Variants in OR6N1 observed in about 807,000 individuals in gnomAD.
OR6N1 encodes the protein olfactory receptor 6N1.
For synonymous variants in OR6N1, 170 were observed against 150.7 expected (o/e 1.13, Z -0.94); for missense variants, 394 against 371.7 (o/e 1.06, Z -0.49).
At chr1:158,781,947 A>C in the OR6N1 span, among the ~76,000 whole-genome samples, 1 of 152,200 alleles carries the variant, frequency 6.6e-6, no homozygotes, top group Non-Finnish European at 1.5e-5. Flanking sequence ...GAGTTTAATA[A>C]AGTGTCCAAC....
chr1:158,822,038 A>G, the OR6N1 span, among the ~76,000 whole-genome samples: 9 of 152,318 alleles, frequency 5.9e-5, no homozygotes, highest in East Asian at 1.7e-3. Context: ...GATGTTGAGC[A>G]TCTTTTCATA....
the OR6N1 span, among the ~76,000 whole-genome samples, chr1:158,801,055 G>A: frequency 3.9e-5 from 6 of 151,934 alleles, no homozygotes; most frequent in Admixed American, 1.3e-4. Flanking sequence ...ACCAATCCAT[G>A]CACTCCTTCC....
chr1:158,827,896 A>G, the OR6N1 span, among the ~76,000 whole-genome samples: 1 of 152,306 alleles, frequency 6.6e-6, no homozygotes, highest in South Asian at 2.1e-4. Flanking sequence ...ACAATTCCAC[A>G]TGGCTGGGGT....
At chr1:158,829,537 T>C in the OR6N1 span, among the ~76,000 whole-genome samples, 1 of 152,218 alleles carries the variant, frequency 6.6e-6, no homozygotes, top group Non-Finnish European at 1.5e-5. Flanking sequence ...CTGGATCTTA[T>C]TGTTTCTGTC....
chr1:158,793,796 T>C, the OR6N1 span, among the ~76,000 whole-genome samples: 1 of 152,168 alleles, frequency 6.6e-6, no homozygotes, highest in East Asian at 1.9e-4. Flanking sequence ...CAGCTGCAGC[T>C]AAAGCAGGTG....
chr1:158,792,046 G>A, the OR6N1 span, among the ~76,000 whole-genome samples: 2 of 152,174 alleles, frequency 1.3e-5, no homozygotes, highest in South Asian at 4.1e-4. Flanking sequence ...CTTAGGTCTA[G>A]TAGTAATTGC....
the OR6N1 span, among the ~76,000 whole-genome samples, chr1:158,817,856 G>C: frequency 6.6e-6 from 1 of 152,174 alleles, no homozygotes; most frequent in East Asian, 1.9e-4. Flanking sequence ...GGCAGAGAAT[G>C]GGGGAAACTG....
At chr1:158,793,158 A>T in the OR6N1 span, among the ~76,000 whole-genome samples, 1 of 151,296 alleles carries the variant, frequency 6.6e-6, no homozygotes, top group Non-Finnish European at 1.5e-5. Context: ...TCTCTAGAAA[A>T]TTTTTTATGC....
At chr1:158,836,410 T>C in the OR6N1 span, among the ~76,000 whole-genome samples, 1 of 152,002 alleles carries the variant, frequency 6.6e-6, no homozygotes, top group Non-Finnish European at 1.5e-5. Context: ...TGACTAGTCA[T>C]AATGACTGTT....
At chr1:158,768,931 C>T (rs987688010) in intron 1 of OR6N1, among the ~76,000 whole-genome samples, 12 of 152,070 alleles carry the variant, frequency 7.9e-5, no homozygotes, top group African/African-American at 2.7e-4. Context: ...GTTCTCTCCT[C>T]TTTGATTATA....
chr1:158,773,480 T>G (rs79407683), upstream of OR6N1, among the ~76,000 whole-genome samples: 4,134 of 152,238 alleles, frequency 0.027, 166 homozygotes, highest in African/African-American at 0.093. Flanking sequence ...AATATATCCA[T>G]CAATTCTGCT....
the OR6N1 span, among the ~76,000 whole-genome samples, chr1:158,803,723 G>A: frequency 4.6e-5 from 7 of 152,200 alleles, no homozygotes; most frequent in African/African-American, 1.2e-4. Flanking sequence ...CTATCAACAT[G>A]ACAAATACCT....
the OR6N1 span, among the ~76,000 whole-genome samples, chr1:158,812,916 C>G: frequency 6.6e-6 from 1 of 152,124 alleles, no homozygotes; most frequent in Non-Finnish European, 1.5e-5. Flanking sequence ...TATGAGATGT[C>G]TAACACACAG....
chr1:158,838,765 T>G, the OR6N1 span, among the ~76,000 whole-genome samples: 2 of 152,120 alleles, frequency 1.3e-5, no homozygotes, highest in Non-Finnish European at 2.9e-5. Context: ...TCACTTTCCT[T>G]TATATCTTTT....
At chr1:158,782,748 C>G in the OR6N1 span, among the ~76,000 whole-genome samples, 2 of 152,152 alleles carry the variant, frequency 1.3e-5, no homozygotes, top group Admixed American at 1.3e-4. Flanking sequence ...CTCATTTTAG[C>G]TAGAAGACAA....
At chr1:158,777,036 A>C (rs762029103), upstream of OR6N1, 1 of 1,614,060 alleles carries the variant, frequency 6.2e-7, no homozygotes, top group African/African-American at 1.3e-5. Context: ...CATTAATGGC[A>C]AAGTCCACCA....
At chr1:158,778,181 A>C in the OR6N1 span, among the ~76,000 whole-genome samples, 1 of 152,220 alleles carries the variant, frequency 6.6e-6, no homozygotes, top group Non-Finnish European at 1.5e-5. Context: ...TATTGAACAA[A>C]TATGTGTCAG....
chr1:158,837,574 T>C, the OR6N1 span, among the ~76,000 whole-genome samples: 2 of 151,954 alleles, frequency 1.3e-5, no homozygotes, highest in Admixed American at 6.5e-5. Context: ...TCCTTCACTT[T>C]CTATCTTTGT....
the OR6N1 span, among the ~76,000 whole-genome samples, chr1:158,825,979 G>A: frequency 5.9e-5 from 9 of 151,968 alleles, no homozygotes; most frequent in Non-Finnish European, 1.3e-4. Flanking sequence ...CAGCATTATG[G>A]CCTCAATAAC....
Sources: gnomAD v4.1 joint callset for allele counts (sites outside exome capture counted in the v4.1 genomes callset) on GRCh38, gnomAD v4.1.1 for gene constraint, MANE v1.5 for transcripts, NCBI Gene and HGNC (gene_info 2026-07-23, HGNC 2026-07-21) for gene names.